The following MSRA variants were observed in gnomAD, a reference collection of about 807,000 sequenced individuals.
MSRA encodes methionine sulfoxide reductase A, also known as mitochondrial peptide methionine sulfoxide reductase.
MSRA carries 54 observed loss-of-function variants against 31.3 expected under a neutral mutation model. That is an observed-to-expected ratio of 1.73 (90% CI 1.39 to 2.17). The LOEUF is 2.17. Among genes scored for constraint, MSRA ranks in the 30% most tolerant of loss-of-function variants. The pLI, the probability that MSRA is intolerant of heterozygous loss-of-function variation, is 0.00. For missense variants in MSRA, 507 were observed against 300.9 expected, an observed-to-expected ratio of 1.69 and a Z score of -5.07; for synonymous variants, 169 against 116.5, an observed-to-expected ratio of 1.45 and a Z score of -2.90.
At chr8:10,410,994 C>G (rs1585717182) in intron 5 of MSRA, 2 of 151,042 alleles carry the variant, frequency 1.3e-5, no homozygotes, top group African/African-American at 4.9e-5. Flanking sequence ...CTCCCTCCCT[C>G]CTTCTCGTCT....
At chr8:10,372,420 C>G (rs1805530267) in intron 5 of MSRA, among the ~76,000 whole-genome samples, 1 of 152,214 alleles carries the variant, frequency 6.6e-6, no homozygotes, top group Admixed American at 6.5e-5. Context: ...TTATAAAATG[C>G]TCGTGCATAT....
chr8:10,418,843 C>CAA (rs33958722), intron 5 of MSRA, among the ~76,000 whole-genome samples: 9 of 100,012 alleles, frequency 9.0e-5, no homozygotes, highest in Admixed American at 1.2e-4. Flanking sequence ...AAAAAACCAA[C>CAA]AAAAAAAAAA....
chr8:10,239,199 G>T (rs536272731), intron 2 of MSRA, among the ~76,000 whole-genome samples: 1 of 151,668 alleles, frequency 6.6e-6, no homozygotes, highest in Admixed American at 6.6e-5. Flanking sequence ...GTTTTGCTCT[G>T]TTGCCAGGCT....
At chr8:10,378,101 A>G (rs937599187) in intron 5 of MSRA, among the ~76,000 whole-genome samples, 6 of 152,228 alleles carry the variant, frequency 3.9e-5, no homozygotes, top group African/African-American at 1.4e-4. Context: ...TGGACTCCTG[A>G]GGGCACAGGG....
intron 5 of MSRA, among the ~76,000 whole-genome samples, chr8:10,336,419 G>GA (rs897750319): frequency 9.6e-5 from 14 of 145,702 alleles, no homozygotes; most frequent in Middle Eastern, 3.5e-3. Flanking sequence ...ACATGTGATA[G>GA]AAAAAAAAAA....
intron 3 of MSRA, among the ~76,000 whole-genome samples, chr8:10,292,489 G>A (rs1171106405): frequency 6.6e-6 from 1 of 152,132 alleles, no homozygotes; most frequent in East Asian, 1.9e-4. Flanking sequence ...ACCACTTTTT[G>A]CATCTCCTCT....
Position 10,401,574 on chromosome 8 carries a change from C to T in MSRA, c.544-26574C>T, listed in dbSNP as rs564534501. Among the ~76,000 whole-genome samples, 19 of 152,170 alleles carry T rather than the reference C, an allele frequency of 1.2e-4. 1 individual carries two copies. The highest frequency in any genetic ancestry group is 2.4e-4 in the African/African-American group (10 of 41,494). ...ATCTCACGCCTATGTATATATCCAG[C>T]GGAATTGAAAGCAGGGATTCAAACC... On this transcript the variant is annotated intron_variant, in intron 5 of 5. Coordinates refer to ENST00000317173, the MANE Select transcript of MSRA (RefSeq NM_012331.5).
chr8:10,401,595 A>C (rs950755177), intron 5 of MSRA, among the ~76,000 whole-genome samples: 4 of 152,220 alleles, frequency 2.6e-5, no homozygotes, highest in African/African-American at 9.6e-5. Flanking sequence ...GCAGGGATTC[A>C]AACCTGTACA....
chr8:10,271,893 T>A (rs1003394257), intron 3 of MSRA, among the ~76,000 whole-genome samples: 6 of 152,134 alleles, frequency 3.9e-5, no homozygotes, highest in Admixed American at 6.5e-5. Context: ...TAATTTTGTA[T>A]TTTTAGTAAA....
intron 1 of MSRA, among the ~76,000 whole-genome samples, chr8:10,195,419 T>G (rs1002076496): frequency 1.3e-5 from 2 of 152,200 alleles, no homozygotes; most frequent in African/African-American, 4.8e-5. Context: ...TTTTTGTATT[T>G]TAGCAGAGAT....
At chr8:10,385,717 G>C (rs760210648) in intron 5 of MSRA, among the ~76,000 whole-genome samples, 1 of 152,054 alleles carries the variant, frequency 6.6e-6, no homozygotes, top group African/African-American at 2.4e-5. Context: ...AGGCCAGGGC[G>C]GAGGTGGAAG....
Position 10,337,696 on chromosome 8 carries a change from C to T in MSRA, c.543+17707C>T, listed in dbSNP as rs1489985823. The stretch of plus-strand genomic sequence containing the variant: ...TTTTCATCTTGAACCTTATACTCCT[C>T]CTCTCTCGGCAGCTGGTGCTTCCCT... On this transcript the variant is annotated intron_variant, in intron 5 of 5. Transcript: ENST00000317173. 3 of 702,434 alleles carry T rather than the reference C, an allele frequency of 4.3e-6. No individual in the cohort carries two copies. The African/African-American group carries it at 5.2e-5, about 12-fold the overall frequency. 43.5% of individuals were successfully genotyped at this position (702,434 alleles called of 1,614,324 possible). A position where few individuals can be genotyped will look rare whatever the true frequency, so the allele number is the denominator to read the frequency against.
intron 5 of MSRA, among the ~76,000 whole-genome samples, chr8:10,356,775 G>T (rs933832147): frequency 1.3e-5 from 2 of 151,304 alleles, no homozygotes; most frequent in African/African-American, 4.9e-5. Flanking sequence ...AGAACTGTGA[G>T]AAATAAATTC....
intron 1 of MSRA, among the ~76,000 whole-genome samples, chr8:10,166,322 G>A (rs901474040): frequency 6.6e-6 from 1 of 152,188 alleles, no homozygotes; most frequent in South Asian, 2.1e-4. Context: ...TGGCATAATG[G>A]TGTGTATGTG....
At chr8:10,128,985 A>G (rs929003705) in intron 1 of MSRA, among the ~76,000 whole-genome samples, 2 of 152,154 alleles carry the variant, frequency 1.3e-5, no homozygotes, top group Admixed American at 6.5e-5. Context: ...TTTACGCTAT[A>G]TAATATGCTT....
intron 1 of MSRA, among the ~76,000 whole-genome samples, chr8:10,199,009 T>A (rs932244410): frequency 2.0e-5 from 3 of 152,238 alleles, no homozygotes; most frequent in Non-Finnish European, 4.4e-5. Context: ...CTAGTCTCTC[T>A]TTTGAGACTG....
intron 2 of MSRA, among the ~76,000 whole-genome samples, chr8:10,211,043 C>T (rs1226035502): frequency 4.6e-5 from 7 of 152,016 alleles, no homozygotes; most frequent in Non-Finnish European, 8.8e-5. Flanking sequence ...GCCACAATGT[C>T]GTTATCTGTT....
intron 4 of MSRA, among the ~76,000 whole-genome samples, chr8:10,312,949 G>T (rs1277742039): frequency 6.6e-6 from 1 of 152,204 alleles, no homozygotes; most frequent in African/African-American, 2.4e-5. Context: ...ATGATGCATT[G>T]AGAAACTACA....
At chr8:10,130,378 G>A (rs892688583) in intron 1 of MSRA, among the ~76,000 whole-genome samples, 6 of 152,190 alleles carry the variant, frequency 3.9e-5, no homozygotes, top group African/African-American at 1.4e-4. Context: ...ACTGCATGTT[G>A]ATCCCCACTG....
Sources: gnomAD v4.1 joint callset for allele counts (sites outside exome capture counted in the v4.1 genomes callset) on GRCh38, gnomAD v4.1.1 for gene constraint, MANE v1.5 for transcripts, NCBI Gene and HGNC (gene_info 2026-07-23, HGNC 2026-07-21) for gene names.